The following ENAH variants were observed in gnomAD, a reference collection of about 807,000 sequenced individuals.
ENAH encodes the protein ENAH actin regulator, also known as protein enabled homolog.
ENAH carries 23 observed loss-of-function variants against 78.7 expected under a neutral mutation model. The ratio of observed to expected loss-of-function variants is 0.29; its 90% confidence interval spans 0.21 to 0.41. The LOEUF is 0.41. Among genes scored for constraint, ENAH ranks in the 10% least tolerant of loss-of-function variants. The pLI is 1.00. For missense variants in ENAH, 544 were observed against 691.0 expected (o/e 0.79, Z 2.39); for synonymous variants, 226 against 241.0 (o/e 0.94, Z 0.58).
intron 1 of ENAH, among the ~76,000 whole-genome samples, chr1:225,611,571 G>A (rs1575715228): frequency 6.6e-6 from 1 of 151,920 alleles, no homozygotes; most frequent in Non-Finnish European, 1.5e-5. Flanking sequence ...CACCTGCCTC[G>A]AGCCTCCCAA....
At chr1:225,604,226 T>G (rs1259835200) in intron 1 of ENAH, among the ~76,000 whole-genome samples, 1 of 152,158 alleles carries the variant, frequency 6.6e-6, no homozygotes, top group Admixed American at 6.5e-5. Flanking sequence ...AAAATAACAC[T>G]CTTAGGAGGT....
intron 1 of ENAH, among the ~76,000 whole-genome samples, chr1:225,578,777 A>G (rs982227959): frequency 2.6e-5 from 4 of 152,344 alleles, no homozygotes; most frequent in African/African-American, 9.6e-5. Context: ...AATCCTATCA[A>G]TGAGGAAAAA....
rs1330269373 is a variant in ENAH at position 225,498,395 on chromosome 1, C to A, written c.1627G>T (p.Asp543Tyr). The A allele has an allele frequency of 6.4e-7, 1 of 1,560,884 alleles. No homozygotes were observed. Among genetic ancestry groups the A allele is most frequent in the Non-Finnish European group, 8.8e-7 (1 of 1,137,468 alleles). The change falls in exon 13 of 14, where the codon GAT becomes TAT. Residue 543 changes from aspartate (D) to tyrosine (Y), a missense_variant. Coordinates refer to ENST00000366843, the MANE Select transcript of ENAH (RefSeq NM_018212.6). ...TTTGTTAATTCTTTTCTCATTTCAT[C>A]TAAAATGTCCTAAAATATTAGAGAA... ...DYDRLKQDIL[D>Y]EMRKELTKLK...
At chr1:225,517,068 G>T in intron 6 of ENAH, 128 bp downstream of exon 6, 2 of 567,284 alleles carry the variant, frequency 3.5e-6, no homozygotes, top group Non-Finnish European at 5.4e-6. Context: ...AAAAAAAAAA[G>T]CATGGCATTA....
intron 2 of ENAH, among the ~76,000 whole-genome samples, chr1:225,559,161 A>G (rs1328431718): frequency 2.6e-5 from 4 of 152,104 alleles, no homozygotes; most frequent in Non-Finnish European, 5.9e-5. Flanking sequence ...CAGCTCAACC[A>G]ATTTTTCTTA....
rs750299244 is a variant in ENAH at position 225,517,317 on chromosome 1, A to G, written c.803-11T>C. ...CAGAGGCAGGGGCAGCTGCAGAGGG[A>G]GAAGGGAGAACACTAGGCTTGGATG... is the stretch of plus-strand genomic sequence containing the variant. On this transcript the variant is annotated splice_polypyrimidine_tract_variant and intron_variant, in intron 5 of 13. Transcript: ENST00000366843. The G allele has an allele frequency of 2.6e-6, 4 of 1,551,534 alleles. No homozygotes were observed. The highest frequency in any genetic ancestry group is 3.5e-6 in the Non-Finnish European group (4 of 1,146,978).
chr1:225,651,038 C>G (rs928397790), intron 1 of ENAH, among the ~76,000 whole-genome samples: 2 of 151,646 alleles, frequency 1.3e-5, no homozygotes, highest in African/African-American at 4.8e-5. Flanking sequence ...TATTATAGTT[C>G]CTGAGTTTAA....
At chr1:225,626,537 C>G (rs1558930015) in intron 1 of ENAH, among the ~76,000 whole-genome samples, 1 of 152,216 alleles carries the variant, frequency 6.6e-6, no homozygotes, top group Admixed American at 6.5e-5. Context: ...AGCAACAAGG[C>G]GCCATCTATG....
chr1:225,504,007 C>CTTT (rs565782427), intron 11 of ENAH, among the ~76,000 whole-genome samples: 1 of 142,730 alleles, frequency 7.0e-6, no homozygotes, highest in South Asian at 2.2e-4. Context: ...TTTTATTTCA[C>CTTT]TTTTTTTTTT....
chr1:225,498,530 T>C, intron 12 of ENAH, 126 bp from the exon 13 acceptor site: 1 of 610,460 alleles, frequency 1.6e-6, no homozygotes, highest in Non-Finnish European at 2.8e-6. Context: ...AGAGCCACAA[T>C]TCTATTTCTT....
intron 3 of ENAH, among the ~76,000 whole-genome samples, chr1:225,550,936 T>C (rs1357248163): frequency 6.6e-6 from 1 of 151,526 alleles, no homozygotes; most frequent in African/African-American, 2.4e-5. Flanking sequence ...TTAAACCTTT[T>C]AAGAAAATAA....
At chr1:225,531,651 G>T (rs982233293) in intron 3 of ENAH, among the ~76,000 whole-genome samples, 1 of 152,076 alleles carries the variant, frequency 6.6e-6, no homozygotes, top group Non-Finnish European at 1.5e-5. Flanking sequence ...CAGATATTCT[G>T]AAAGATTTGT....
At chr1:225,501,667 T>C (rs2096282963) in intron 11 of ENAH, among the ~76,000 whole-genome samples, 2 of 152,222 alleles carry the variant, frequency 1.3e-5, no homozygotes, top group Admixed American at 6.5e-5. Context: ...GATTAGACTA[T>C]GTGACTATTT....
chr1:225,643,602 T>C (rs1661458627), intron 1 of ENAH, among the ~76,000 whole-genome samples: 1 of 152,144 alleles, frequency 6.6e-6, no homozygotes, highest in Admixed American at 6.6e-5. Flanking sequence ...CAATGGAATA[T>C]TATGCAGTCA....
chr1:225,535,486 T>A, intron 3 of ENAH: 1 of 1,296,806 alleles, frequency 7.7e-7, no homozygotes, highest in Non-Finnish European at 1.0e-6. Flanking sequence ...GAAAAAGTAA[T>A]GTAAACATAA....
chr1:225,574,931 T>TAA (rs901984109), intron 1 of ENAH, among the ~76,000 whole-genome samples: 2 of 14,124 alleles, frequency 1.4e-4, no homozygotes, highest in Non-Finnish European at 2.2e-4. Flanking sequence ...TATATATATA[T>TAA]AAAAAAAAAA....
At position 225,571,451 on chromosome 1, in the gene ENAH, T is replaced by C. The variant is rs1404045835; in HGVS notation, c.6-4037A>G. ...CAGAGTCCCTAACCTCCTCCACCCC[T>C]CTACTCACCTTTTATAACTCTACTG... On this transcript the variant is annotated intron_variant, in intron 1 of 13. Coordinates refer to ENST00000366843, the MANE Select transcript of ENAH (RefSeq NM_018212.6). 3.9e-5 allele frequency among the ~76,000 whole-genome samples: 6 copies of C among 152,052 alleles called. No individual in the cohort carries two copies. The East Asian group carries it at 9.7e-4, about 24-fold the overall frequency.
intron 1 of ENAH, among the ~76,000 whole-genome samples, chr1:225,634,855 G>C (rs548162108): frequency 1.1e-4 from 16 of 152,258 alleles, no homozygotes; most frequent in Non-Finnish European, 2.2e-4. Flanking sequence ...TTGAAATCGG[G>C]AAGTGTCTCC....
intron 1 of ENAH, among the ~76,000 whole-genome samples, chr1:225,624,300 T>C (rs1657544484): frequency 1.3e-5 from 2 of 151,620 alleles, no homozygotes; most frequent in Admixed American, 6.6e-5. Flanking sequence ...GATTAGCTGG[T>C]AGAGGAAGAA....
Sources: allele counts gnomAD v4.1 joint callset (sites outside exome capture counted in the v4.1 genomes callset), GRCh38; gene constraint gnomAD v4.1.1; transcripts MANE v1.5; gene names NCBI Gene and HGNC (gene_info 2026-07-23, HGNC 2026-07-21).